S1PR3: variants seen among roughly 807,000 people sequenced by gnomAD.
The protein encoded by S1PR3 is sphingosine 1-phosphate receptor 3.
Under a neutral mutation model 13.3 loss-of-function variants are expected in S1PR3, and 12 were observed. The observed-to-expected ratio is 0.90, with a 90% CI of 0.58 to 1.46. The LOEUF (loss-of-function observed/expected upper bound fraction) is 1.46, where lower values mean the gene tolerates loss of function less well. S1PR3 is among the 40% of genes most tolerant of loss of function. The probability of loss-of-function intolerance (pLI) is 0.00; values close to 1 mark genes in which losing one functional copy is unlikely to be tolerated. For missense variants in S1PR3, 450 were observed against 501.9 expected (o/e 0.90, Z 0.99); for synonymous variants, 232 against 214.0 (o/e 1.08, Z -0.73).
chr9:88,995,943 C>T, intron 1 of S1PR3: 1 of 167,170 alleles, frequency 6.0e-6, no homozygotes. Context: ...CTCTACCCTG[C>T]AGCTGTCTGT....
At chr9:88,991,148 C>A (rs946942025), upstream of S1PR3, 6 of 1,610,188 alleles carry the variant, frequency 3.7e-6, no homozygotes, top group South Asian at 1.1e-5. This position sits in a 1 kb window ranked among gnomAD's most constrained non-coding sequence, Gnocchi z 4.0. Flanking sequence ...TCTGGGCGCC[C>A]GGTTTCTGCA....
At chr9:88,998,191 A>G (rs376128538) in intron 1 of S1PR3, 28 of 152,326 alleles carry the variant, frequency 1.8e-4, no homozygotes, top group African/African-American at 6.0e-4. Context: ...AATAAGCAAT[A>G]CTAGGCCTGG....
chr9:89,000,437 T>C, intron 1 of S1PR3: 1 of 152,636 alleles, frequency 6.6e-6, no homozygotes, highest in Non-Finnish European at 1.5e-5. Flanking sequence ...GTGCGGTGTC[T>C]GCATGGGCAC....
intron 1 of S1PR3, chr9:88,997,667 C>T (rs1825819445): frequency 6.6e-6 from 1 of 152,262 alleles, no homozygotes; most frequent in African/African-American, 2.4e-5. Context: ...CAAGGTTTGT[C>T]TGCAGCTTGT....
In S1PR3 at chr9:89,002,556, T is replaced by G; in HGVS notation, c.*219T>G. ...ACTTTGGGCTCCAGAGTCTTTCAGA[T>G]GTACTAAGCTGCTGACATCATCCAC... is the stretch of plus-strand genomic sequence containing the variant. On this transcript the variant is annotated 3_prime_UTR_variant, in exon 2 of 2. Transcript: ENST00000358157. 1 of 607,694 alleles carries G rather than the reference T, an allele frequency of 1.6e-6. No individual in the cohort carries two copies. Among genetic ancestry groups the G allele is most frequent in the South Asian group, 2.1e-5 (1 of 47,694 alleles). The allele number at this position is 607,694 out of a possible 1,614,324, so 37.6% of individuals were successfully genotyped here.
intron 1 of S1PR3, chr9:88,996,518 A>G (rs1290449017): frequency 6.6e-6 from 1 of 152,268 alleles, no homozygotes; most frequent in Non-Finnish European, 1.5e-5. Context: ...TGGGGAGAGG[A>G]AAGCAATGGA....
chr9:88,994,874 G>A (rs1825779202), intron 1 of S1PR3: 1 of 167,118 alleles, frequency 6.0e-6, no homozygotes, highest in Non-Finnish European at 1.5e-5. Context: ...GTCTGTAACA[G>A]TTGTTATTTC....
At chr9:88,991,386 C>A, upstream of S1PR3, 2 of 155,046 alleles carry the variant, frequency 1.3e-5, no homozygotes, top group Non-Finnish European at 2.3e-5. The surrounding 1 kb of genome is among the most constrained non-coding windows in gnomAD (Gnocchi z 4.0). Context: ...GGGCGGGAGT[C>A]GGGGGCGGCG....
rs935138400 is a variant in S1PR3, at chr9:89,002,189, C to T, written c.989C>T (p.Pro330Leu). The stretch of plus-strand genomic sequence containing the variant: ...GGGGCCCGCGCCTCACCCATCCAGC[C>T]TGCGCTCGACCCAAGCAGAAGTAAA... Reference protein sequence around the residue: ...GRGARASPIQPALDPSRSKSS... With the variant: ...GRGARASPIQLALDPSRSKSS... Residue 330 changes from proline to leucine, a missense_variant, in exon 2 of 2, where the codon CCT becomes CTT. Transcript: ENST00000358157. 5.0e-6 allele frequency: 8 copies of T among 1,614,016 alleles called. No individual in the cohort carries two copies. The highest frequency in any genetic ancestry group is 5.1e-6 in the Non-Finnish European group (6 of 1,180,022).
Position 89,003,609 on chromosome 9 carries a change from A to G in S1PR3, c.*1272A>G, listed in dbSNP as rs41287355. 4,705 of 167,170 alleles carry G rather than the reference A, an allele frequency of 0.028. 130 individuals are homozygous for G. The highest frequency in any genetic ancestry group is 0.074 in the African/African-American group (3,076 of 41,566). 10.4% of individuals were successfully genotyped at this position (167,170 alleles called of 1,614,324 possible). A position where few individuals can be genotyped will look rare whatever the true frequency, so the allele number is the denominator to read the frequency against. On this transcript the variant is annotated 3_prime_UTR_variant, in exon 2 of 2. Coordinates refer to ENST00000358157, the MANE Select transcript of S1PR3 (RefSeq NM_005226.4). The stretch of plus-strand genomic sequence containing the variant: ...TTTTTGTACATGCTCTTCCCCAAGG[A>G]TTGTACGTATTATACAAATAGATGG...
chr9:88,991,794 C>G lies in S1PR3; in HGVS notation c.-148+99C>G. 6.2e-7 allele frequency: 1 copy of G among 1,600,470 alleles called. No individual in the cohort carries two copies. The highest frequency in any genetic ancestry group is 8.5e-7 in the Non-Finnish European group (1 of 1,172,926). On this transcript the variant is annotated intron_variant, in intron 1 of 1. Coordinates refer to ENST00000358157, the MANE Select transcript of S1PR3 (RefSeq NM_005226.4). The surrounding 1 kb of genome is among the most constrained non-coding windows in gnomAD (Gnocchi z 4.0). Reference sequence around the variant, plus strand: ...AAATCCCCACCGATCCCGGGCGCGACGGGGACTTGGGCGCGCCACGGCGGC... The same window carrying G: ...AAATCCCCACCGATCCCGGGCGCGAGGGGGACTTGGGCGCGCCACGGCGGC...
rs1192406102 is a variant in S1PR3 at position 89,003,744 on chromosome 9, A to G, written c.*1407A>G. On this transcript the variant is annotated 3_prime_UTR_variant, in exon 2 of 2. Coordinates refer to ENST00000358157, the MANE Select transcript of S1PR3 (RefSeq NM_005226.4). ...CCAGCGTTCAAAGGAACCTCCCATC[A>G]GAGTCCCCTAAAGTATTTTAGGTTC... is the stretch of plus-strand genomic sequence containing the variant. The G allele has an allele frequency of 1.2e-5, 2 of 166,562 alleles. No individual in the cohort carries two copies. Among genetic ancestry groups the G allele is most frequent in the East Asian group, 3.8e-4 (2 of 5,210 alleles). The allele number at this position is 166,562 out of a possible 1,614,324, so 10.3% of individuals were successfully genotyped here.
At position 88,991,514 on chromosome 9, in the gene S1PR3, G is replaced by A. The variant is rs765230384; in HGVS notation, c.-329G>A. 4 of 1,547,848 alleles carry A rather than the reference G, an allele frequency of 2.6e-6. No individual in the cohort carries two copies. Among genetic ancestry groups the A allele is most frequent in the Middle Eastern group, 1.7e-4 (1 of 5,978 alleles). The stretch of plus-strand genomic sequence containing the variant: ...CGGGGACGGGCAACAGGGACTCAGG[G>A]ACCAGAAGGCGGCTGCAGGACGCGA... On this transcript the variant is annotated 5_prime_UTR_variant, in exon 1 of 2. Coordinates refer to ENST00000358157, the MANE Select transcript of S1PR3 (RefSeq NM_005226.4). This position sits in a 1 kb window ranked among gnomAD's most constrained non-coding sequence, Gnocchi z 4.0.
intron 1 of S1PR3, chr9:88,997,410 G>A (rs1423395049): frequency 1.3e-5 from 2 of 152,158 alleles, no homozygotes; most frequent in African/African-American, 4.8e-5. Context: ...TCCACATCTG[G>A]CTGTTGGATG....
upstream of S1PR3, chr9:88,990,937 G>C: frequency 2.5e-6 from 4 of 1,602,298 alleles, no homozygotes; most frequent in Non-Finnish European, 3.4e-6. Flanking sequence ...CAAAAACGCT[G>C]TCCGGCGCCA....
chr9:89,002,550 T>G lies in S1PR3; in HGVS notation c.*213T>G. 1 of 619,696 alleles carries G rather than the reference T, an allele frequency of 1.6e-6. No homozygotes were observed. The highest frequency in any genetic ancestry group is 2.9e-6 in the Non-Finnish European group (1 of 345,728). 38.4% of individuals were successfully genotyped at this position (619,696 alleles called of 1,614,324 possible). On this transcript the variant is annotated 3_prime_UTR_variant, in exon 2 of 2. Coordinates refer to ENST00000358157, the MANE Select transcript of S1PR3 (RefSeq NM_005226.4). The stretch of plus-strand genomic sequence containing the variant: ...TTGTCCACTTTGGGCTCCAGAGTCT[T>G]TCAGATGTACTAAGCTGCTGACATC...
Position 89,002,078 on chromosome 9 carries a change from T to C in S1PR3, c.878T>C (p.Met293Thr), listed in dbSNP as rs1270711787. 1 of 1,613,836 alleles carries C rather than the reference T, an allele frequency of 6.2e-7. No homozygotes were observed. Residue 293 changes from methionine (M) to threonine (T), a missense_variant, in exon 2 of 2, where the codon ATG becomes ACG. Physicochemically the swap from Met to Thr is moderately conservative, Grantham distance 81 (BLOSUM62 -1). Coordinates refer to ENST00000358157, the MANE Select transcript of S1PR3 (RefSeq NM_005226.4). ...GTGTTGGCTGTGCTCAACTCCGCCATGAACCCGGTCATCTACACGCTGGCC... is the reference window on the plus strand; with the variant it reads ...GTGTTGGCTGTGCTCAACTCCGCCACGAACCCGGTCATCTACACGCTGGCC... The part of the protein sequence containing the change: ...FIVLAVLNSA[M>T]NPVIYTLASK...
chr9:88,991,474 C>T lies in S1PR3; in HGVS notation c.-369C>T. The T allele has an allele frequency of 3.9e-6, 6 of 1,547,198 alleles. No homozygotes were observed. The highest frequency in any genetic ancestry group is 5.2e-6 in the Non-Finnish European group (6 of 1,145,760). Reference sequence around the variant, plus strand: ...GTCTCTGACTCGCTCGGGCAGAGGCCGAGGAAGCCGGTTCCGGGGACGGGC... The same window carrying T: ...GTCTCTGACTCGCTCGGGCAGAGGCTGAGGAAGCCGGTTCCGGGGACGGGC... On this transcript the variant is annotated 5_prime_UTR_variant, in exon 1 of 2. Coordinates refer to ENST00000358157, the MANE Select transcript of S1PR3 (RefSeq NM_005226.4). This position sits in a 1 kb window ranked among gnomAD's most constrained non-coding sequence, Gnocchi z 4.0.
rs755867055 is a variant in S1PR3, at chr9:89,001,639, G to A, written c.439G>A (p.Asp147Asn). The A allele has an allele frequency of 1.4e-4, 222 of 1,614,092 alleles. No homozygotes were observed. The highest frequency in any genetic ancestry group is 2.7e-4 in the East Asian group (12 of 44,876). The change falls in exon 2 of 2, where the codon GAC becomes AAC. Residue 147 changes from aspartate (D) to asparagine (N), a missense_variant. Coordinates refer to ENST00000358157, the MANE Select transcript of S1PR3 (RefSeq NM_005226.4). The part of the protein sequence containing the change: ...HLTMIKMRPY[D>N]ANKRHRVFLL... Reference sequence around the variant, plus strand: ...GACAATGATCAAAATGAGGCCTTACGACGCCAACAAGAGGCACCGCGTCTT... The same window carrying A: ...GACAATGATCAAAATGAGGCCTTACAACGCCAACAAGAGGCACCGCGTCTT...
Sources: gnomAD v4.1 joint callset for allele counts on GRCh38, gnomAD v4.1.1 for gene constraint, Gnocchi (gnomAD v3.1) non-coding constraint, MANE v1.5 for transcripts, NCBI Gene and HGNC (gene_info 2026-07-23, HGNC 2026-07-21) for gene names.